POU6F1: variants seen among roughly 807,000 people sequenced by gnomAD.
The protein encoded by POU6F1 is POU domain, class 6, transcription factor 1.
A neutral mutation model predicts 28.9 loss-of-function variants in POU6F1; 9 were observed. The ratio of observed to expected loss-of-function variants is 0.31; its 90% confidence interval spans 0.19 to 0.54. POU6F1 has a LOEUF of 0.54. Among genes scored for constraint, POU6F1 ranks in the 20% least tolerant of loss-of-function variants. The pLI is 0.94. For missense variants in POU6F1, 338 were observed against 426.1 expected (o/e 0.79, Z 1.82); for synonymous variants, 173 against 171.1 (o/e 1.01, Z -0.09).
intron 7 of POU6F1, 45 bp downstream of exon 7, chr12:51,196,754 C>A: frequency 6.2e-7 from 1 of 1,609,584 alleles, no homozygotes; most frequent in Non-Finnish European, 8.5e-7. Context: ...CCCTGGCCAG[C>A]CTCTCCACAG....
rs1265177128 is a variant in POU6F1 at position 51,189,349 on chromosome 12, C to A, written c.*898G>T. Reference sequence around the variant, plus strand: ...TCAGCATTCCTTTCCTTATTTTTCTCCAGAGTTGCCCGTTTGCTTGCATAT... The same window carrying A: ...TCAGCATTCCTTTCCTTATTTTTCTACAGAGTTGCCCGTTTGCTTGCATAT... On this transcript the variant is annotated 3_prime_UTR_variant, in exon 11 of 11. Transcript: ENST00000333640. The A allele has an allele frequency of 6.6e-6, 1 of 152,090 alleles. No homozygotes were observed. Among genetic ancestry groups the A allele is most frequent in the Non-Finnish European group, 1.5e-5 (1 of 68,030 alleles). The allele number at this position is 152,090 out of a possible 1,614,324, so 9.4% of individuals were successfully genotyped here.
chr12:51,197,620 A>G, intron 6 of POU6F1, 150 bp downstream of exon 6: 2 of 394,788 alleles, frequency 5.1e-6, no homozygotes, highest in Admixed American at 8.8e-5. Flanking sequence ...TGCAAGGAGA[A>G]GGCCTCAGAG....
At position 51,190,720 on chromosome 12, in the gene POU6F1, T is replaced by A; in HGVS notation, c.1491-128A>T. ...TAGGGGCTGGTGAGACTGTACCCAG[T>A]GCTCCCCTCACCACCTCCACCAAGA... On this transcript the variant is annotated intron_variant, in intron 10 of 10. Transcript: ENST00000333640. The surrounding 1 kb of genome is among the most constrained non-coding windows in gnomAD (Gnocchi z 4.5). 4 of 1,395,564 alleles carry A rather than the reference T, an allele frequency of 2.9e-6. No individual in the cohort carries two copies. The highest frequency in any genetic ancestry group is 2.9e-6 in the Non-Finnish European group (3 of 1,049,452). The allele number at this position is 1,395,564 out of a possible 1,614,324, so 86.4% of individuals were successfully genotyped here.
Position 51,190,214 on chromosome 12 carries a change from A to G in POU6F1, c.*33T>C, listed in dbSNP as rs371004191. On this transcript the variant is annotated 3_prime_UTR_variant, in exon 11 of 11. Transcript: ENST00000333640. This position sits in a 1 kb window ranked among gnomAD's most constrained non-coding sequence, Gnocchi z 4.5. ...CAGCCGGATGCCACGGGAAATGGACAAAGTGCTAGAACACAGGGCCAGGGG... is the reference window on the plus strand; with the variant it reads ...CAGCCGGATGCCACGGGAAATGGACGAAGTGCTAGAACACAGGGCCAGGGG... 86 of 1,601,430 alleles carry G rather than the reference A, an allele frequency of 5.4e-5. No individual in the cohort carries two copies. Among genetic ancestry groups the G allele is most frequent in the Non-Finnish European group, 1.2e-5 (14 of 1,172,386 alleles).
At position 51,189,501 on chromosome 12, in the gene POU6F1, C is replaced by T. The variant is rs1024877373; in HGVS notation, c.*746G>A. 7 of 152,188 alleles carry T rather than the reference C, an allele frequency of 4.6e-5. No individual in the cohort carries two copies. The highest frequency in any genetic ancestry group is 1.7e-4 in the African/African-American group (7 of 41,428). The allele number at this position is 152,188 out of a possible 1,614,324, so 9.4% of individuals were successfully genotyped here. A position where few individuals can be genotyped will look rare whatever the true frequency, so the allele number is the denominator to read the frequency against. ...CCAACCTTCTGCAGACCCAGGAGAA[C>T]TCCAGAACAGGTAGAGTTCACTGTT... On this transcript the variant is annotated 3_prime_UTR_variant, in exon 11 of 11. Transcript: ENST00000333640.
intron 2 of POU6F1, among the ~76,000 whole-genome samples, chr12:51,204,952 A>T (rs1003891459): frequency 7.9e-5 from 12 of 151,982 alleles, no homozygotes; most frequent in African/African-American, 2.9e-4. Flanking sequence ...ATTTCCCTGC[A>T]AGCTAAATTC....
chr12:51,202,636 G>A (rs1343091058), intron 3 of POU6F1: 1 of 152,170 alleles, frequency 6.6e-6, no homozygotes, highest in East Asian at 1.9e-4. Flanking sequence ...TGGCCTCAAA[G>A]GGAATTTAGT....
Position 51,190,013 on chromosome 12 carries a change from G to C in POU6F1, c.*234C>G. On this transcript the variant is annotated 3_prime_UTR_variant, in exon 11 of 11. Coordinates refer to ENST00000333640, the MANE Select transcript of POU6F1 (RefSeq NM_001330422.2). The surrounding 1 kb of genome is among the most constrained non-coding windows in gnomAD (Gnocchi z 4.5). ...AGTGACGTCACAAATCCTCTTCTTC[G>C]GAGTGACCAGCCCAGAGCCTGGAGC... 2 of 670,374 alleles carry C rather than the reference G, an allele frequency of 3.0e-6. No individual in the cohort carries two copies. Among genetic ancestry groups the C allele is most frequent in the Non-Finnish European group, 4.8e-6 (2 of 417,382 alleles). The allele number at this position is 670,374 out of a possible 1,614,324, so 41.5% of individuals were successfully genotyped here. A position where few individuals can be genotyped will look rare whatever the true frequency, so the allele number is the denominator to read the frequency against.
At position 51,190,723 on chromosome 12, in the gene POU6F1, T is replaced by A; in HGVS notation, c.1491-131A>T. ...GGGCTGGTGAGACTGTACCCAGTGC[T>A]CCCCTCACCACCTCCACCAAGACCC... On this transcript the variant is annotated intron_variant, in intron 10 of 10. Coordinates refer to ENST00000333640, the MANE Select transcript of POU6F1 (RefSeq NM_001330422.2). This position sits in a 1 kb window ranked among gnomAD's most constrained non-coding sequence, Gnocchi z 4.5. 1 of 1,368,432 alleles carries A rather than the reference T, an allele frequency of 7.3e-7. No individual in the cohort carries two copies. The highest frequency in any genetic ancestry group is 9.7e-7 in the Non-Finnish European group (1 of 1,027,044). The allele number at this position is 1,368,432 out of a possible 1,614,324, so 84.8% of individuals were successfully genotyped here.
intron 8 of POU6F1, 42 bp downstream of exon 8, chr12:51,195,928 A>G (rs2137118339): frequency 6.7e-7 from 1 of 1,490,946 alleles, no homozygotes; most frequent in South Asian, 1.2e-5. Flanking sequence ...GGTGCCAGAT[A>G]GCAGAGCCTG....
At chr12:51,213,262 G>T (rs1309702265) in intron 1 of POU6F1, among the ~76,000 whole-genome samples, 1 of 151,746 alleles carries the variant, frequency 6.6e-6, no homozygotes, top group African/African-American at 2.4e-5. Context: ...TGTGGTGCTT[G>T]TTCCCAGGGA....
rs1306429573 is a variant in POU6F1 at position 51,187,085 on chromosome 12, G to A, written c.*3162C>T. The A allele has an allele frequency of 6.6e-6, 1 of 152,198 alleles. No individual in the cohort carries two copies. The highest frequency in any genetic ancestry group is 1.9e-4 in the East Asian group (1 of 5,204). The allele number at this position is 152,198 out of a possible 1,614,324, so 9.4% of individuals were successfully genotyped here. ...TCAGTGCCAGAGCCTGGTCCAAGAG[G>A]CAGGAAGGAAATCTGGGCATGGGAA... On this transcript the variant is annotated 3_prime_UTR_variant, in exon 11 of 11. Coordinates refer to ENST00000333640, the MANE Select transcript of POU6F1 (RefSeq NM_001330422.2).
chr12:51,190,404 T>C lies in POU6F1; in HGVS notation c.1679A>G (p.Asn560Ser), dbSNP rs186003252. ...CAGTGGGTTCTTCTCAAAATAGGCA[T>C]TGAGAGCCTCTATGGCCTGGGGGGT... ...SFTPQAIEAL[N>S]AYFEKNPLPT... Residue 560 changes from asparagine to serine, a missense_variant, in exon 11 of 11, where the codon AAT becomes AGT. Physicochemically the swap from Asn to Ser is conservative, Grantham distance 46. Transcript: ENST00000333640. This position sits in a 1 kb window ranked among gnomAD's most constrained non-coding sequence, Gnocchi z 4.5. The C allele has an allele frequency of 3.7e-6, 6 of 1,614,070 alleles. No homozygotes were observed. The East Asian group carries it at 6.7e-5, about 18-fold the overall frequency.
In POU6F1 at chr12:51,197,978, G is replaced by A; in HGVS notation, c.638C>T (p.Ala213Val). 2.5e-6 allele frequency: 1 copy of A among 400,336 alleles called. No homozygotes were observed. Among genetic ancestry groups the A allele is most frequent in the Non-Finnish European group, 4.4e-6 (1 of 227,052 alleles). The allele number at this position is 400,336 out of a possible 1,614,324, so 24.8% of individuals were successfully genotyped here. A position where few individuals can be genotyped will look rare whatever the true frequency, so the allele number is the denominator to read the frequency against. The change falls in exon 6 of 11, where the codon GCC becomes GTC. Residue 213 changes from alanine (A) to valine (V), a missense_variant. Around this residue, in one of 3 missense-constraint regions of POU6F1, gnomAD observed 206 missense variants for 225.6 expected, o/e 0.91. Transcript: ENST00000333640. Reference sequence around the variant, plus strand: ...CGTCGAGGAGGCCTGTACTGGTGCGGCAGCTTGTACCGGTGCCGGAAGAGC... The same window carrying A: ...CGTCGAGGAGGCCTGTACTGGTGCGACAGCTTGTACCGGTGCCGGAAGAGC... ...NTALPAPVQA[A>V]APVQASSTAQ...
chr12:51,207,034 CTT>C, intron 1 of POU6F1, 151 bp from the exon 2 acceptor site: 2 of 363,486 alleles, frequency 5.5e-6, no homozygotes, highest in East Asian at 3.9e-5. Flanking sequence ...AAAAAGGATT[CTT>C]TTTTTTTGAG....
chr12:51,192,560 C>T lies in POU6F1; in HGVS notation c.1180-89G>A, dbSNP rs887137688. 6 of 1,523,560 alleles carry T rather than the reference C, an allele frequency of 3.9e-6. No individual in the cohort carries two copies. In the African/African-American group the frequency reaches 6.9e-5, roughly 17 times the overall value. The allele number at this position is 1,523,560 out of a possible 1,614,324, so 94.4% of individuals were successfully genotyped here. A position where few individuals can be genotyped will look rare whatever the true frequency, so the allele number is the denominator to read the frequency against. On this transcript the variant is annotated intron_variant, in intron 8 of 10. Transcript: ENST00000333640. ...GGGTGGACCAGAGGCAGGGCAAAAA[C>T]AGACATGAAATCCTCACGCATGCAG...
chr12:51,211,420 T>G (rs1172641563), intron 1 of POU6F1, among the ~76,000 whole-genome samples: 1 of 152,316 alleles, frequency 6.6e-6, no homozygotes, highest in East Asian at 1.9e-4. Context: ...ATGGCTCACT[T>G]ATCCCTTGCT....
At chr12:51,208,770 C>CAAAAAG in intron 1 of POU6F1, among the ~76,000 whole-genome samples, 1 of 152,274 alleles carries the variant, frequency 6.6e-6, no homozygotes, top group South Asian at 2.1e-4. Context: ...AACCCCGTCT[C>CAAAAAG]TACAAAAAGT....
intron 8 of POU6F1, among the ~76,000 whole-genome samples, chr12:51,195,326 CT>C (rs748179909): frequency 1.3e-5 from 2 of 152,172 alleles, no homozygotes; most frequent in African/African-American, 2.4e-5. Context: ...TCCAATGTCC[CT>C]TATCTATGAA....
Sources: gnomAD v4.1 joint callset for allele counts (sites outside exome capture counted in the v4.1 genomes callset) on GRCh38, gnomAD v4.1.1 for gene constraint, gnomAD v4.1.1 regional missense constraint, Gnocchi (gnomAD v3.1) non-coding constraint, MANE v1.5 for transcripts, NCBI Gene and HGNC (gene_info 2026-07-23, HGNC 2026-07-21) for gene names.